GSK3B: variants seen among roughly 807,000 people sequenced by gnomAD.
GSK3B encodes the protein glycogen synthase kinase 3 beta.
A neutral mutation model predicts 56.4 loss-of-function variants in GSK3B; 15 were observed. The observed-to-expected ratio is 0.27, with a 90% CI of 0.18 to 0.41. The LOEUF (loss-of-function observed/expected upper bound fraction) is 0.41, where lower values mean the gene tolerates loss of function less well. Among genes scored for constraint, GSK3B ranks in the 10% least tolerant of loss-of-function variants. The pLI, the probability that GSK3B is intolerant of heterozygous loss-of-function variation, is 1.00. For missense variants in GSK3B, 300 were observed against 513.4 expected, an observed-to-expected ratio of 0.58 and a Z score of 4.02; for synonymous variants, 181 against 188.9, an observed-to-expected ratio of 0.96 and a Z score of 0.34.
chr3:119,948,993 C>T (rs777838161), intron 2 of GSK3B, among the ~76,000 whole-genome samples: 5 of 152,204 alleles, frequency 3.3e-5, no homozygotes, highest in Non-Finnish European at 7.3e-5. Context: ...TGAGCCACAG[C>T]GCCCAGCCTC....
intron 2 of GSK3B, among the ~76,000 whole-genome samples, chr3:119,988,771 C>T (rs11915717): frequency 0.24 from 36,604 of 152,030 alleles, 4,850 homozygotes; most frequent in East Asian, 0.48. Flanking sequence ...ATTCCTTCTA[C>T]AGAACAAAGT....
At chr3:119,928,623 A>T (rs867157433) in intron 3 of GSK3B, among the ~76,000 whole-genome samples, 274 of 150,648 alleles carry the variant, frequency 1.8e-3, no homozygotes, top group African/African-American at 4.0e-3. Context: ...AAAAAAAAAA[A>T]AAAAAAAAAA....
chr3:119,983,201 G>A (rs1236595060), intron 2 of GSK3B, among the ~76,000 whole-genome samples: 4 of 152,160 alleles, frequency 2.6e-5, no homozygotes, highest in African/African-American at 9.7e-5. Flanking sequence ...AGCTCCTGAA[G>A]GAGGAACTAA....
intron 10 of GSK3B, among the ~76,000 whole-genome samples, chr3:119,830,471 C>G (rs2055581907): frequency 6.6e-6 from 1 of 152,156 alleles, no homozygotes; most frequent in Non-Finnish European, 1.5e-5. Context: ...AACTTTTCTT[C>G]TCAAACATTT....
chr3:119,856,976 G>A (rs1559810205), intron 9 of GSK3B, among the ~76,000 whole-genome samples: 1 of 152,136 alleles, frequency 6.6e-6, no homozygotes, highest in South Asian at 2.1e-4. Flanking sequence ...GTTTTCCACT[G>A]CATGTAAGTG....
intron 1 of GSK3B, among the ~76,000 whole-genome samples, chr3:120,091,985 A>G (rs2058516504): frequency 6.6e-6 from 1 of 152,122 alleles, no homozygotes; most frequent in Non-Finnish European, 1.5e-5. Context: ...TTCACATAAC[A>G]TCATGTTTTG....
At chr3:119,954,498 A>C (rs2057193143) in intron 2 of GSK3B, among the ~76,000 whole-genome samples, 1 of 152,204 alleles carries the variant, frequency 6.6e-6, no homozygotes, top group Admixed American at 6.5e-5. Flanking sequence ...AGAAATTTTA[A>C]ATTGTGGTAA....
intron 7 of GSK3B, among the ~76,000 whole-genome samples, chr3:119,905,370 C>CTA (rs2056672160): frequency 6.6e-6 from 1 of 151,920 alleles, no homozygotes; most frequent in Non-Finnish European, 1.5e-5. Flanking sequence ...CAAGTATCTC[C>CTA]TATGTGCTCC....
At chr3:119,850,100 A>T (rs1365079958) in intron 9 of GSK3B, among the ~76,000 whole-genome samples, 1 of 152,098 alleles carries the variant, frequency 6.6e-6, no homozygotes, top group Admixed American at 6.5e-5. Flanking sequence ...TTGGCCTTAG[A>T]TAAGGAGAGA....
chr3:119,854,975 T>C (rs2055995744), intron 9 of GSK3B, among the ~76,000 whole-genome samples: 1 of 152,210 alleles, frequency 6.6e-6, no homozygotes, highest in African/African-American at 2.4e-5. Flanking sequence ...TTGAACGTGT[T>C]TGCTCTTGCT....
chr3:119,990,232 C>T (rs1576252853), intron 2 of GSK3B, among the ~76,000 whole-genome samples: 1 of 152,084 alleles, frequency 6.6e-6, no homozygotes, highest in East Asian at 1.9e-4. Flanking sequence ...GGAAAGATGT[C>T]TGCCCCAAGA....
chr3:120,073,737 T>C (rs984020552), intron 1 of GSK3B, among the ~76,000 whole-genome samples: 25 of 152,328 alleles, frequency 1.6e-4, no homozygotes, highest in Middle Eastern at 3.4e-3. Flanking sequence ...GAAGTATGGC[T>C]ATGCATCTTG....
At chr3:120,031,270 A>C (rs1445166039) in intron 1 of GSK3B, among the ~76,000 whole-genome samples, 2 of 152,244 alleles carry the variant, frequency 1.3e-5, no homozygotes, top group Non-Finnish European at 2.9e-5. Context: ...TCAAATTTTC[A>C]TTAATAAAAT....
chr3:120,022,413 C>T lies in GSK3B; in HGVS notation c.89-20174G>A, dbSNP rs542926133. Among the ~76,000 whole-genome samples, 4 of 152,260 alleles carry T rather than the reference C, an allele frequency of 2.6e-5. No homozygotes were observed. In the South Asian group the frequency reaches 8.3e-4, roughly 32 times the overall value. On this transcript the variant is annotated intron_variant, in intron 1 of 10. Coordinates refer to ENST00000264235, the MANE Select transcript of GSK3B (RefSeq NM_001146156.2). ...TTTACTGTGGTGGTCTGGAACCAAA[C>T]CCACAATATTGTCAAGGTATGCACA...
chr3:120,057,034 A>C lies in GSK3B; in HGVS notation c.88+36313T>G, dbSNP rs567066972. Among the ~76,000 whole-genome samples the C allele has an allele frequency of 1.1e-3, 170 of 152,226 alleles. 1 individual carries two copies. The highest frequency in any genetic ancestry group is 3.7e-3 in the African/African-American group (152 of 41,538). On this transcript the variant is annotated intron_variant, in intron 1 of 10. Coordinates refer to ENST00000264235, the MANE Select transcript of GSK3B (RefSeq NM_001146156.2). ...GTGGCTCATGCCTGTGGTCCCAGCT[A>C]CTCAGGAGGCTGAGGCATGAGAATC... is the stretch of plus-strand genomic sequence containing the variant.
intron 1 of GSK3B, among the ~76,000 whole-genome samples, chr3:120,078,555 T>TTTTTTTTTTTTTTTTTTTTTTG: frequency 6.6e-6 from 1 of 151,174 alleles, no homozygotes; most frequent in African/African-American, 2.4e-5. Flanking sequence ...CTTTTTTTTT[T>TTTTTTTTTTTTTTTTTTTTTTG]TTTTTCTTTT....
At chr3:120,074,894 T>C (rs1200249961) in intron 1 of GSK3B, among the ~76,000 whole-genome samples, 1 of 152,198 alleles carries the variant, frequency 6.6e-6, no homozygotes, top group African/African-American at 2.4e-5. Flanking sequence ...ACACATTTGA[T>C]AAGGCCAGCA....
At chr3:119,972,882 A>T (rs2057380103) in intron 2 of GSK3B, among the ~76,000 whole-genome samples, 1 of 152,206 alleles carries the variant, frequency 6.6e-6, no homozygotes, top group Non-Finnish European at 1.5e-5. Context: ...AAACAGTTCT[A>T]TAGAAGTTAA....
intron 1 of GSK3B, among the ~76,000 whole-genome samples, chr3:120,045,410 T>C (rs1279310345): frequency 6.6e-6 from 1 of 152,126 alleles, no homozygotes; most frequent in Non-Finnish European, 1.5e-5. Flanking sequence ...TTACCCACTC[T>C]GCACCCATTC....
Sources: gnomAD v4.1 joint callset for allele counts (sites outside exome capture counted in the v4.1 genomes callset) on GRCh38, gnomAD v4.1.1 for gene constraint, MANE v1.5 for transcripts, NCBI Gene and HGNC (gene_info 2026-07-23, HGNC 2026-07-21) for gene names.